Variants in TAFA1 observed in about 807,000 individuals in gnomAD.
TAFA1 encodes chemokine-like protein TAFA-1.
In TAFA1, 4 loss-of-function variants were observed where a neutral mutation model predicts 18.5. That is an observed-to-expected ratio of 0.22 (90% CI 0.11 to 0.49). The LOEUF is 0.49. Among genes scored for constraint, TAFA1 ranks in the 20% least tolerant of loss-of-function variants. The pLI is 0.98. For missense variants in TAFA1, 147 were observed against 169.0 expected (o/e 0.87, Z 0.72); for synonymous variants, 56 against 55.2 (o/e 1.01, Z -0.06).
chr3:68,516,608 T>C (rs2106740734), intron 3 of TAFA1, among the ~76,000 whole-genome samples: 1 of 152,304 alleles, frequency 6.6e-6, no homozygotes, highest in East Asian at 1.9e-4. Flanking sequence ...AGGAGAGCAC[T>C]GGTTCTTTCT....
chr3:68,180,562 G>T (rs1412870487), intron 2 of TAFA1, among the ~76,000 whole-genome samples: 1 of 152,168 alleles, frequency 6.6e-6, no homozygotes, highest in Non-Finnish European at 1.5e-5. Context: ...TTTGAAAAAT[G>T]AGCCAGTTGA....
At chr3:68,181,924 A>C (rs2066207398) in intron 2 of TAFA1, among the ~76,000 whole-genome samples, 1 of 152,214 alleles carries the variant, frequency 6.6e-6, no homozygotes, top group Non-Finnish European at 1.5e-5. Context: ...TACAGTTTAC[A>C]GGCTGGGGAT....
chr3:68,420,620 T>G (rs1243492542), intron 3 of TAFA1, among the ~76,000 whole-genome samples: 1 of 152,138 alleles, frequency 6.6e-6, no homozygotes, highest in African/African-American at 2.4e-5. Context: ...CATTTGGTAA[T>G]GTCTGGAGAT....
chr3:68,375,025 G>A (rs546462322), intron 2 of TAFA1, among the ~76,000 whole-genome samples: 8 of 152,168 alleles, frequency 5.3e-5, no homozygotes, highest in African/African-American at 1.9e-4. Context: ...TCAGAATAAT[G>A]CTGTTTGGGG....
At chr3:68,513,325 C>G (rs1191986253) in intron 3 of TAFA1, among the ~76,000 whole-genome samples, 1 of 152,102 alleles carries the variant, frequency 6.6e-6, no homozygotes, top group Non-Finnish European at 1.5e-5. Context: ...TCCAATAGTA[C>G]TTTCTGTAGG....
chr3:68,302,682 G>A (rs906459686), intron 2 of TAFA1, among the ~76,000 whole-genome samples: 6 of 151,970 alleles, frequency 3.9e-5, no homozygotes, highest in Non-Finnish European at 5.9e-5. Flanking sequence ...AAATACCTCT[G>A]GATGACTGGG....
intron 3 of TAFA1, among the ~76,000 whole-genome samples, chr3:68,479,834 A>G (rs1291275080): frequency 6.6e-6 from 1 of 152,084 alleles, no homozygotes; most frequent in African/African-American, 2.4e-5. Flanking sequence ...AAATAAACAT[A>G]TATACATACA....
chr3:68,179,296 T>G (rs1409941159), intron 2 of TAFA1, among the ~76,000 whole-genome samples: 1 of 152,240 alleles, frequency 6.6e-6, no homozygotes, highest in Non-Finnish European at 1.5e-5. Flanking sequence ...TTCCTCTGTA[T>G]GTAGAAAATA....
At chr3:68,200,775 T>C (rs979446015) in intron 2 of TAFA1, among the ~76,000 whole-genome samples, 5 of 151,586 alleles carry the variant, frequency 3.3e-5, no homozygotes, top group African/African-American at 1.2e-4. Context: ...TAGAGGATTA[T>C]CATTTTAATT....
intron 2 of TAFA1, among the ~76,000 whole-genome samples, chr3:68,059,921 C>A (rs1167801571): frequency 6.6e-6 from 1 of 152,102 alleles, no homozygotes; most frequent in African/African-American, 2.4e-5. Flanking sequence ...TGGGAGGCAG[C>A]TGGGGAGCCC....
At chr3:68,501,661 G>A (rs902452844) in intron 3 of TAFA1, among the ~76,000 whole-genome samples, 5 of 152,166 alleles carry the variant, frequency 3.3e-5, no homozygotes, top group Admixed American at 2.6e-4. Context: ...GAGTTGGAAG[G>A]ATAGACAAAA....
chr3:68,487,811 G>A (rs57778821), intron 3 of TAFA1, among the ~76,000 whole-genome samples: 24,516 of 131,958 alleles, frequency 0.19, 2,371 homozygotes, highest in African/African-American at 0.21. Context: ...TGTACCAAAA[G>A]AAAAAAAAAA....
intron 2 of TAFA1, among the ~76,000 whole-genome samples, chr3:68,207,063 AG>A (rs2066536845): frequency 6.6e-6 from 1 of 151,974 alleles, no homozygotes; most frequent in Non-Finnish European, 1.5e-5. Flanking sequence ...TTGAAGTCAG[AG>A]TTAATAATAT....
chr3:68,375,333 A>C (rs549599727), intron 2 of TAFA1, among the ~76,000 whole-genome samples: 1 of 152,280 alleles, frequency 6.6e-6, no homozygotes, highest in South Asian at 2.1e-4. Context: ...ACTAAGTTTT[A>C]AACCTATTTT....
At chr3:68,218,961 T>C (rs545421702) in intron 2 of TAFA1, among the ~76,000 whole-genome samples, 2 of 152,248 alleles carry the variant, frequency 1.3e-5, no homozygotes, top group South Asian at 4.1e-4. Context: ...GTCCTTGATA[T>C]TGCTGAAGGA....
chr3:68,255,157 C>T (rs2067273560), intron 2 of TAFA1, among the ~76,000 whole-genome samples: 1 of 152,080 alleles, frequency 6.6e-6, no homozygotes, highest in Non-Finnish European at 1.5e-5. Flanking sequence ...TCTGCTGACA[C>T]AAACAATTAG....
intron 2 of TAFA1, among the ~76,000 whole-genome samples, chr3:68,196,131 A>G (rs1208638292): frequency 6.6e-6 from 1 of 151,814 alleles, no homozygotes; most frequent in Admixed American, 6.6e-5. Flanking sequence ...GTCAAGAATC[A>G]GGGTCCTAGT....
chr3:68,348,456 C>T lies in TAFA1; in HGVS notation c.119-68824C>T, dbSNP rs562691534. ...GCCACTTAAATAAAAGAGCTTATTT[C>T]GTCTTACTCATATGCTTTCTTGAAC... is the stretch of plus-strand genomic sequence containing the variant. On this transcript the variant is annotated intron_variant, in intron 2 of 4. Coordinates refer to ENST00000478136, the MANE Select transcript of TAFA1 (RefSeq NM_213609.4). 1.4e-4 allele frequency among the ~76,000 whole-genome samples: 21 copies of T among 152,204 alleles called. 1 individual carries two copies. The South Asian group carries it at 3.3e-3, about 24-fold the overall frequency.
At chr3:68,303,463 CAG>C (rs534663628) in intron 2 of TAFA1, among the ~76,000 whole-genome samples, 125 of 151,964 alleles carry the variant, frequency 8.2e-4, no homozygotes, top group African/African-American at 3.0e-3. Context: ...TTTTTTGAGA[CAG>C]AGTGTCACTC....
Sources: gnomAD v4.1 joint callset for allele counts (sites outside exome capture counted in the v4.1 genomes callset) on GRCh38, gnomAD v4.1.1 for gene constraint, MANE v1.5 for transcripts, NCBI Gene and HGNC (gene_info 2026-07-23, HGNC 2026-07-21) for gene names.